KIF2A: variants seen among roughly 807,000 people sequenced by gnomAD.
KIF2A encodes kinesin family member 2A.
KIF2A carries 22 observed loss-of-function variants against 100.2 expected under a neutral mutation model. The ratio of observed to expected loss-of-function variants is 0.22; its 90% confidence interval spans 0.16 to 0.31. The LOEUF (loss-of-function observed/expected upper bound fraction) is 0.31. KIF2A is among the 10% of genes least tolerant of loss of function. The pLI is 1.00. For synonymous variants in KIF2A, 268 were observed against 285.9 expected, an observed-to-expected ratio of 0.94 and a Z score of 0.63; for missense variants, 495 against 898.7, an observed-to-expected ratio of 0.55 and a Z score of 5.74.
Position 62,358,234 on chromosome 5 carries a change from A to G in KIF2A, c.807A>G (p.Leu269=). The G allele has an allele frequency of 2.5e-6, 4 of 1,605,062 alleles. No homozygotes were observed. In the East Asian group the frequency reaches 6.8e-5, roughly 27 times the overall value. The part of the protein sequence containing the change: ...PKQKVDLTRY[L]ENQTFRFDYA... ...AAAAAGTAGATTTAACAAGGTACCT[A>G]GAAAACCAAACATTTCGTTTTGATT... is the stretch of plus-strand genomic sequence containing the variant. The change falls in exon 9 of 21, where the codon CTA becomes CTG. Residue 269 remains leucine (L), a synonymous_variant. Transcript: ENST00000407818.
chr5:62,385,192 C>G (rs1453733328), intron 20 of KIF2A, among the ~76,000 whole-genome samples: 1 of 151,280 alleles, frequency 6.6e-6, no homozygotes, highest in East Asian at 1.9e-4. Context: ...CCTGCCTATA[C>G]TCTAGGAGGA....
intron 6 of KIF2A, among the ~76,000 whole-genome samples, chr5:62,353,891 T>C (rs1286184140): frequency 6.6e-6 from 1 of 151,968 alleles, no homozygotes; most frequent in Admixed American, 6.6e-5. Flanking sequence ...GACTGTTTAA[T>C]AGCAGTGGGA....
At chr5:62,316,869 A>T (rs1745840804) in intron 1 of KIF2A, among the ~76,000 whole-genome samples, 1 of 152,202 alleles carries the variant, frequency 6.6e-6, no homozygotes, top group Admixed American at 6.5e-5. Flanking sequence ...GAAATAATGG[A>T]CCAATTAATG....
At chr5:62,337,720 C>T (rs1040475983) in intron 1 of KIF2A, among the ~76,000 whole-genome samples, 1 of 151,222 alleles carries the variant, frequency 6.6e-6, no homozygotes, top group Non-Finnish European at 1.5e-5. Context: ...TGCTACTCGG[C>T]AGGCTGAAGC....
intron 11 of KIF2A, among the ~76,000 whole-genome samples, chr5:62,361,737 G>A (rs999760553): frequency 4.0e-5 from 6 of 149,612 alleles, no homozygotes; most frequent in African/African-American, 9.9e-5. Flanking sequence ...GACAAGAACT[G>A]TAGGCTGGGT....
At chr5:62,321,051 A>C (rs1267854230) in intron 1 of KIF2A, among the ~76,000 whole-genome samples, 1 of 152,216 alleles carries the variant, frequency 6.6e-6, no homozygotes, top group African/African-American at 2.4e-5. Flanking sequence ...CCTTTAGTGT[A>C]TAGCATCTGT....
Position 62,358,313 on chromosome 5 carries a change from T to C in KIF2A, c.872+14T>C. 1 of 1,529,820 alleles carries C rather than the reference T, an allele frequency of 6.5e-7. No individual in the cohort carries two copies. The highest frequency in any genetic ancestry group is 8.7e-7 in the Non-Finnish European group (1 of 1,143,148). 94.8% of individuals were successfully genotyped at this position (1,529,820 alleles called of 1,614,324 possible). A position where few individuals can be genotyped will look rare whatever the true frequency, so the allele number is the denominator to read the frequency against. On this transcript the variant is annotated intron_variant, in intron 9 of 20. Coordinates refer to ENST00000407818, the MANE Select transcript of KIF2A (RefSeq NM_001098511.3). ...AATGGTTTACAGGTAGGTAAATTCATTTTAAATCAGAATTTTGTTCTTATG... is the reference window on the plus strand; with the variant it reads ...AATGGTTTACAGGTAGGTAAATTCACTTTAAATCAGAATTTTGTTCTTATG...
At chr5:62,310,199 G>A (rs1336088734) in intron 1 of KIF2A, among the ~76,000 whole-genome samples, 1 of 151,704 alleles carries the variant, frequency 6.6e-6, no homozygotes, top group African/African-American at 2.4e-5. Flanking sequence ...GACTACAGGT[G>A]TGTGCCACCA....
At chr5:62,350,898 C>T (rs989363722) in intron 4 of KIF2A, among the ~76,000 whole-genome samples, 4 of 146,926 alleles carry the variant, frequency 2.7e-5, no homozygotes, top group Admixed American at 6.9e-5. Flanking sequence ...GGCGACAGAG[C>T]GAGACTCCAT....
At chr5:62,382,079 G>A (rs1561283573) in intron 20 of KIF2A, among the ~76,000 whole-genome samples, 1 of 152,198 alleles carries the variant, frequency 6.6e-6, no homozygotes, top group African/African-American at 2.4e-5. Context: ...ATCTGGATGT[G>A]TGTGTACACG....
chr5:62,352,738 G>C, intron 5 of KIF2A, 28 bp downstream of exon 5: 1 of 1,596,858 alleles, frequency 6.3e-7, no homozygotes, highest in East Asian at 2.2e-5. Context: ...CAAGGATTTA[G>C]TCATTTTAGG....
intron 1 of KIF2A, among the ~76,000 whole-genome samples, chr5:62,313,922 G>A (rs1025744272): frequency 1.3e-5 from 2 of 151,942 alleles, no homozygotes; most frequent in Non-Finnish European, 2.9e-5. Flanking sequence ...TTCCCAAGTA[G>A]CTAGGACTAC....
intron 1 of KIF2A, among the ~76,000 whole-genome samples, chr5:62,311,591 T>A (rs1259228370): frequency 1.3e-5 from 2 of 152,188 alleles, no homozygotes; most frequent in Non-Finnish European, 2.9e-5. Flanking sequence ...TTTGCCACAT[T>A]TTTCTTCTGC....
Position 62,363,264 on chromosome 5 carries a change from G to C in KIF2A, c.1206G>C (p.Arg402=). ...TTCAAGTGGTGGGATTACAGGAACG[G>C]GAGGTCAAATGTGTTGAAGATGTAC... The part of the protein sequence containing the change: ...QQVQVVGLQE[R]EVKCVEDVLK... The change falls in exon 13 of 21, where the codon CGG becomes CGC. Residue 402 remains arginine (R), a synonymous_variant. Coordinates refer to ENST00000407818, the MANE Select transcript of KIF2A (RefSeq NM_001098511.3). 6.2e-7 allele frequency: 1 copy of C among 1,613,670 alleles called. No homozygotes were observed. Among genetic ancestry groups the C allele is most frequent in the South Asian group, 1.1e-5 (1 of 91,036 alleles).
At position 62,341,549 on chromosome 5, in the gene KIF2A, G is replaced by A. The variant is rs536419604; in HGVS notation, c.65-5581G>A. On this transcript the variant is annotated intron_variant, in intron 1 of 20. Coordinates refer to ENST00000407818, the MANE Select transcript of KIF2A (RefSeq NM_001098511.3). ...ACTCCTGGGCTCAAGCCATCCTCCT[G>A]CTTCTGCCTCCCAAAGTGCTGGGAT... 1.6e-4 allele frequency among the ~76,000 whole-genome samples: 24 copies of A among 152,152 alleles called. No individual in the cohort carries two copies. The East Asian group carries it at 4.6e-3, about 29-fold the overall frequency.
intron 1 of KIF2A, among the ~76,000 whole-genome samples, chr5:62,340,740 T>G (rs1747253352): frequency 6.6e-6 from 1 of 152,190 alleles, no homozygotes; most frequent in South Asian, 2.1e-4. Context: ...TGTTAACAGG[T>G]GTTTACTACT....
intron 14 of KIF2A, among the ~76,000 whole-genome samples, chr5:62,364,425 C>T (rs563095002): frequency 7.6e-4 from 115 of 152,264 alleles, no homozygotes; most frequent in South Asian, 4.4e-3. Context: ...GGATTACAGG[C>T]GTGAGCCACC....
chr5:62,312,120 AC>A (rs1396816744), intron 1 of KIF2A, among the ~76,000 whole-genome samples: 1 of 151,716 alleles, frequency 6.6e-6, no homozygotes, highest in Non-Finnish European at 1.5e-5. Flanking sequence ...TTCCACTACT[AC>A]CAAAGAAGCT....
At chr5:62,368,734 A>G (rs1357192636) in intron 16 of KIF2A, among the ~76,000 whole-genome samples, 1 of 151,826 alleles carries the variant, frequency 6.6e-6, no homozygotes, top group Non-Finnish European at 1.5e-5. Flanking sequence ...TTGTAATTGC[A>G]CCACTGCACT....
Sources: allele counts gnomAD v4.1 joint callset (sites outside exome capture counted in the v4.1 genomes callset), GRCh38; gene constraint gnomAD v4.1.1; transcripts MANE v1.5; gene names NCBI Gene and HGNC (gene_info 2026-07-23, HGNC 2026-07-21).